The following TEX11 variants were observed in gnomAD, a reference collection of about 807,000 sequenced individuals.
TEX11 encodes testis expressed 11.
A neutral mutation model predicts 84.4 loss-of-function variants in TEX11; 7 were observed. The ratio of observed to expected loss-of-function variants is 0.08; its 90% CI spans 0.05 to 0.16. TEX11 has a LOEUF of 0.16. TEX11 is among the 10% of genes least tolerant of loss of function. The pLI, the probability that TEX11 is intolerant of heterozygous loss-of-function variation, is 1.00. For missense variants in TEX11, 551 were observed against 660.5 expected, an observed-to-expected ratio of 0.83 and a Z score of 1.82; for synonymous variants, 264 against 222.8, an observed-to-expected ratio of 1.18 and a Z score of -1.64.
At chrX:70,721,476 T>G (rs1017754959) in intron 13 of TEX11, among the ~76,000 whole-genome samples, 3 of 111,841 alleles carry the variant, frequency 2.7e-5, no homozygotes, top group Non-Finnish European at 1.9e-5. Flanking sequence ...TGAAGGAAAT[T>G]AGGTCATCTA....
intron 17 of TEX11, among the ~76,000 whole-genome samples, chrX:70,643,598 G>A: frequency 9.2e-6 from 1 of 108,718 alleles, no homozygotes; most frequent in East Asian, 2.9e-4. Flanking sequence ...ACAGAACAGA[G>A]CCCTCAGAAA....
intron 2 of TEX11, among the ~76,000 whole-genome samples, chrX:70,882,404 G>A (rs957428489): frequency 1.8e-5 from 2 of 110,506 alleles, no homozygotes; most frequent in African/African-American, 6.6e-5. Context: ...TGCAATCTCC[G>A]CCTCCCAGGT....
intron 25 of TEX11, among the ~76,000 whole-genome samples, chrX:70,556,980 TA>T (rs1209075244): frequency 9.1e-6 from 1 of 109,431 alleles, no homozygotes; most frequent in African/African-American, 3.3e-5. Flanking sequence ...ATTTATTTAT[TA>T]GAGACAAGGT....
At chrX:70,600,390 A>G (rs193186880) in intron 24 of TEX11, among the ~76,000 whole-genome samples, 48 of 111,271 alleles carry the variant, frequency 4.3e-4, no homozygotes, top group Admixed American at 2.7e-3. Context: ...ACCTACAAAG[A>G]GACTTAGACT....
chrX:70,641,380 A>T (rs1218223109), intron 17 of TEX11, among the ~76,000 whole-genome samples: 1 of 110,720 alleles, frequency 9.0e-6, no homozygotes, highest in East Asian at 2.8e-4. Flanking sequence ...GTCAACAAGG[A>T]TACCCAGGAA....
chrX:70,676,277 T>C (rs914491774), intron 15 of TEX11, among the ~76,000 whole-genome samples: 10 of 112,656 alleles, frequency 8.9e-5, no homozygotes, highest in African/African-American at 3.2e-4. Flanking sequence ...TTTTAATTGT[T>C]TGAAGAGCTG....
chrX:70,838,449 C>T (rs754492127), intron 7 of TEX11, among the ~76,000 whole-genome samples: 2 of 112,136 alleles, frequency 1.8e-5, no homozygotes, highest in South Asian at 3.7e-4. Flanking sequence ...AATAAAATCA[C>T]ATTTGTTTAA....
chrX:70,520,771 T>A, the TEX11 span, among the ~76,000 whole-genome samples: 34 of 112,297 alleles, frequency 3.0e-4, 1 homozygote, highest in African/African-American at 1.1e-3. Context: ...GCAGGCCTCA[T>A]TGAGCTGTGG....
chrX:70,734,071 G>A lies in TEX11; in HGVS notation c.843+6630C>T, dbSNP rs565316442. Among the ~76,000 whole-genome samples the A allele has an allele frequency of 7.3e-4, 81 of 110,326 alleles. No individual in the cohort carries two copies. In the South Asian group the frequency reaches 0.027, roughly 37 times the overall value. ...TCGCAAGGACAAAAAACCAAACACC[G>A]CATGTTCTCACTCATAGGTGGGAAT... On this transcript the variant is annotated intron_variant, in intron 11 of 29. Coordinates refer to ENST00000374333, the MANE Select transcript of TEX11 (RefSeq NM_031276.3).
intron 13 of TEX11, among the ~76,000 whole-genome samples, chrX:70,714,111 T>A (rs1603232929): frequency 9.0e-6 from 1 of 111,698 alleles, no homozygotes; most frequent in African/African-American, 3.3e-5. Context: ...TTTGAGTGAG[T>A]TTCTTAATCC....
At chrX:70,730,273 C>T (rs963828655) in intron 11 of TEX11, among the ~76,000 whole-genome samples, 15 of 111,725 alleles carry the variant, frequency 1.3e-4, no homozygotes, top group Admixed American at 4.8e-4. Context: ...GCTAACATCA[C>T]AATGACAGGA....
intron 28 of TEX11, among the ~76,000 whole-genome samples, chrX:70,531,476 G>T (rs1442246486): frequency 9.0e-6 from 1 of 111,516 alleles, no homozygotes; most frequent in African/African-American, 3.3e-5. Flanking sequence ...TCTGATACAG[G>T]GTATGAGTGT....
At chrX:70,615,016 C>T (rs1282809570) in intron 20 of TEX11, among the ~76,000 whole-genome samples, 1 of 111,090 alleles carries the variant, frequency 9.0e-6, no homozygotes, top group Non-Finnish European at 1.9e-5. Flanking sequence ...AATGCAGATA[C>T]AGCTTAGATC....
At chrX:70,712,894 G>A (rs1309374322) in intron 13 of TEX11, among the ~76,000 whole-genome samples, 1 of 111,268 alleles carries the variant, frequency 9.0e-6, no homozygotes, top group African/African-American at 3.3e-5. Context: ...TGCTTCCAGT[G>A]TTTGCCCATT....
intron 20 of TEX11, among the ~76,000 whole-genome samples, chrX:70,619,378 A>T (rs1045629412): frequency 2.7e-5 from 3 of 111,619 alleles, no homozygotes; most frequent in African/African-American, 9.8e-5. Flanking sequence ...TATCTATATA[A>T]CCCTACCTTA....
intron 2 of TEX11, among the ~76,000 whole-genome samples, chrX:70,885,320 TAATA>T (rs2091702263): frequency 9.0e-6 from 1 of 111,673 alleles, no homozygotes; most frequent in Non-Finnish European, 1.9e-5. Flanking sequence ...AAACCAACCC[TAATA>T]AATAGAGTTA....
At chrX:70,607,862 A>C (rs2089212912) in intron 22 of TEX11, among the ~76,000 whole-genome samples, 1 of 112,284 alleles carries the variant, frequency 8.9e-6, no homozygotes, top group African/African-American at 3.2e-5. Context: ...GATTAAAGTC[A>C]CCAAACTTGT....
chrX:70,714,923 G>T (rs1312222362), intron 13 of TEX11, among the ~76,000 whole-genome samples: 6 of 111,599 alleles, frequency 5.4e-5, no homozygotes, highest in East Asian at 2.8e-4. Flanking sequence ...TTTTGCAGTG[G>T]CTTGTACCGG....
intron 13 of TEX11, among the ~76,000 whole-genome samples, chrX:70,716,431 G>T (rs1324676760): frequency 9.1e-6 from 1 of 109,842 alleles, no homozygotes; most frequent in African/African-American, 3.3e-5. Context: ...GCTGCAGTGG[G>T]CTCCACCCAG....
Sources: allele counts gnomAD v4.1 joint callset (sites outside exome capture counted in the v4.1 genomes callset), GRCh38; gene constraint gnomAD v4.1.1; transcripts MANE v1.5; gene names NCBI Gene and HGNC (gene_info 2026-07-23, HGNC 2026-07-21).